Variants in PDZK1 observed in about 807,000 individuals in gnomAD.
PDZK1 encodes the protein PDZ domain containing 1.
PDZK1 carries 23 observed loss-of-function variants against 38.1 expected under a neutral mutation model. That is an observed-to-expected ratio of 0.60 (90% CI 0.43 to 0.85). The LOEUF is 0.85. Among genes scored for constraint, PDZK1 ranks in the 40% least tolerant of loss-of-function variants. The pLI is 0.00. For synonymous variants in PDZK1, 98 were observed against 186.2 expected (o/e 0.53, Z 3.86); for missense variants, 297 against 504.3 (o/e 0.59, Z 3.94).
intron 2 of PDZK1, among the ~76,000 whole-genome samples, chr1:145,687,304 G>T (rs987929796): frequency 1.2e-4 from 18 of 151,356 alleles, no homozygotes; most frequent in African/African-American, 3.4e-4. Flanking sequence ...CGGATCACGA[G>T]GTCAGGAGAT....
rs373171068 is a variant in PDZK1, at chr1:145,678,883, G to A, written c.794-238C>T. Among the ~76,000 whole-genome samples the A allele has an allele frequency of 8.0e-5, 12 of 149,090 alleles. 1 individual carries two copies. Among genetic ancestry groups the A allele is most frequent in the East Asian group, 5.9e-4 (3 of 5,086 alleles). On this transcript the variant is annotated intron_variant, in intron 5 of 8. Coordinates refer to ENST00000417171, the MANE Select transcript of PDZK1 (RefSeq NM_001201325.2). Reference sequence around the variant, plus strand: ...CAATTAACAATGAAGGGGTCTTAACGAAAATAATCCTGTTACTAAAAGCGT... The same window carrying A: ...CAATTAACAATGAAGGGGTCTTAACAAAAATAATCCTGTTACTAAAAGCGT...
chr1:145,671,813 T>C (rs1553697931), intron 8 of PDZK1, among the ~76,000 whole-genome samples: 1 of 149,066 alleles, frequency 6.7e-6, no homozygotes, highest in Non-Finnish European at 1.5e-5. Flanking sequence ...ATATTTCTTT[T>C]TTATAAGACT....
Position 145,673,093 on chromosome 1 carries a change from T to C in PDZK1, c.1216-73A>G, listed in dbSNP as rs1653258897. 8 of 1,426,796 alleles carry C rather than the reference T, an allele frequency of 5.6e-6. No homozygotes were observed. In the Admixed American group the frequency reaches 6.8e-5, roughly 12 times the overall value. 88.4% of individuals were successfully genotyped at this position (1,426,796 alleles called of 1,614,324 possible). On this transcript the variant is annotated intron_variant, in intron 7 of 8. Coordinates refer to ENST00000417171, the MANE Select transcript of PDZK1 (RefSeq NM_001201325.2). ...ATCAGACTAGCTCTCCTTAAGAGAA[T>C]AGATGAGGAGCTCAAGAATTTATTT...
chr1:145,705,138 T>C (rs1255577854), intron 1 of PDZK1, among the ~76,000 whole-genome samples: 3 of 152,194 alleles, frequency 2.0e-5, no homozygotes, highest in East Asian at 3.9e-4. Context: ...TCACCCAGGC[T>C]AGGGTGCAAT....
chr1:145,701,162 A>G (rs1009360376), intron 1 of PDZK1, among the ~76,000 whole-genome samples: 10 of 151,448 alleles, frequency 6.6e-5, no homozygotes, highest in Admixed American at 1.3e-4. Context: ...CCAAGATAGT[A>G]CCACTGCACT....
At chr1:145,692,707 C>CA (rs879949674) in intron 1 of PDZK1, among the ~76,000 whole-genome samples, 1,382 of 102,496 alleles carry the variant, frequency 0.013, 9 homozygotes, top group Admixed American at 0.044. Context: ...GATTCCGTCT[C>CA]AAAAAAAAAA....
At chr1:145,688,318 C>T (rs1654972413) in intron 1 of PDZK1, among the ~76,000 whole-genome samples, 1 of 152,064 alleles carries the variant, frequency 6.6e-6, no homozygotes. Flanking sequence ...TGTCCTCTGA[C>T]CTAAAGAAAT....
At chr1:145,700,832 C>T (rs1655914936) in intron 1 of PDZK1, among the ~76,000 whole-genome samples, 1 of 152,152 alleles carries the variant, frequency 6.6e-6, no homozygotes, top group South Asian at 2.1e-4. Context: ...GTCAGTATCA[C>T]ACCACGAAGA....
intron 1 of PDZK1, among the ~76,000 whole-genome samples, chr1:145,701,135 G>A (rs1002091798): frequency 1.2e-4 from 18 of 151,816 alleles, no homozygotes; most frequent in African/African-American, 3.4e-4. Context: ...AACCCAGGAG[G>A]TGGAGGTTGC....
At chr1:145,679,133 T>C (rs587747107) in intron 5 of PDZK1, among the ~76,000 whole-genome samples, 1 of 151,758 alleles carries the variant, frequency 6.6e-6, no homozygotes, top group African/African-American at 2.4e-5. Context: ...TGCCTCCATG[T>C]GCTTTGGCCT....
At position 145,684,239 on chromosome 1, in the gene PDZK1, T is replaced by C. The variant is rs1654541764; in HGVS notation, c.461-1603A>G. ...TTTTTTTTTTTTTGAGACGGAGTCTTGCTTTATCGCCCAGCCTGGAGTGCA... is the reference window on the plus strand; with the variant it reads ...TTTTTTTTTTTTTGAGACGGAGTCTCGCTTTATCGCCCAGCCTGGAGTGCA... On this transcript the variant is annotated intron_variant, in intron 3 of 8. Transcript: ENST00000417171. Among the ~76,000 whole-genome samples, 12 of 146,664 alleles carry C rather than the reference T, an allele frequency of 8.2e-5. 1 individual carries two copies. The South Asian group carries it at 2.6e-3, about 32-fold the overall frequency.
intron 1 of PDZK1, among the ~76,000 whole-genome samples, chr1:145,705,756 G>GT (rs1656211231): frequency 6.6e-6 from 1 of 151,884 alleles, no homozygotes. Context: ...CATATTCATG[G>GT]TTTTTTGTTT....
At chr1:145,699,927 G>C (rs1298120486) in intron 1 of PDZK1, among the ~76,000 whole-genome samples, 1 of 152,162 alleles carries the variant, frequency 6.6e-6, no homozygotes, top group East Asian at 1.9e-4. Context: ...CGTGAAGATG[G>C]CTCACAGTAG....
At chr1:145,697,861 G>A (rs587634282) in intron 1 of PDZK1, among the ~76,000 whole-genome samples, 46 of 132,866 alleles carry the variant, frequency 3.5e-4, no homozygotes, top group African/African-American at 1.0e-3. Flanking sequence ...CTTGTGGTCC[G>A]CCCGCCTCAG....
In PDZK1 at chr1:145,686,223, T is replaced by G. The variant is rs587732449; in HGVS notation, c.460+254A>C. Among the ~76,000 whole-genome samples the G allele has an allele frequency of 3.1e-3, 472 of 152,002 alleles. 1 individual carries two copies. The highest frequency in any genetic ancestry group is 0.011 in the African/African-American group (460 of 41,420). ...CCTCAAGTGCCAGCCTGACAAACACTCAGGGACAGGAGTACCCAGTGCCCC... is the reference window on the plus strand; with the variant it reads ...CCTCAAGTGCCAGCCTGACAAACACGCAGGGACAGGAGTACCCAGTGCCCC... On this transcript the variant is annotated intron_variant, in intron 3 of 8. Transcript: ENST00000417171.
At chr1:145,702,429 C>T (rs1656009779) in intron 1 of PDZK1, among the ~76,000 whole-genome samples, 1 of 152,056 alleles carries the variant, frequency 6.6e-6, no homozygotes, top group African/African-American at 2.4e-5. Flanking sequence ...CCAGCTGAGA[C>T]AAGTGCTTTC....
At chr1:145,686,436 G>T in intron 3 of PDZK1, 41 bp downstream of exon 3, 1 of 1,552,884 alleles carries the variant, frequency 6.4e-7, no homozygotes, top group Non-Finnish European at 8.7e-7. Context: ...TGTTGTCTGT[G>T]CCCTGCCCCT....
intron 1 of PDZK1, among the ~76,000 whole-genome samples, chr1:145,706,833 G>A (rs1262574785): frequency 6.6e-6 from 1 of 151,870 alleles, no homozygotes; most frequent in Non-Finnish European, 1.5e-5. Context: ...GCTGCAGTGT[G>A]ATACAGAGAG....
chr1:145,695,336 C>G (rs1655567555), intron 1 of PDZK1, among the ~76,000 whole-genome samples: 1 of 152,028 alleles, frequency 6.6e-6, no homozygotes, highest in African/African-American at 2.4e-5. Flanking sequence ...GCAGGAGAAT[C>G]ACTTCAACCC....
Sources: gnomAD v4.1 joint callset for allele counts (sites outside exome capture counted in the v4.1 genomes callset) on GRCh38, gnomAD v4.1.1 for gene constraint, MANE v1.5 for transcripts, NCBI Gene and HGNC (gene_info 2026-07-23, HGNC 2026-07-21) for gene names.